EYS: variants seen among roughly 807,000 people sequenced by gnomAD.
EYS encodes protein eyes shut homolog.
A neutral mutation model predicts 282.1 loss-of-function variants in EYS; 250 were observed. The observed-to-expected ratio is 0.89, with a 90% CI of 0.80 to 0.98. The LOEUF (loss-of-function observed/expected upper bound fraction) is 0.98. Ranked by LOEUF, EYS falls within the 50% of genes least tolerant of loss-of-function variation. EYS has a pLI of 0.00. For missense variants in EYS, 4,016 were observed against 3,709.0 expected, an observed-to-expected ratio of 1.08 and a Z score of -2.15; for synonymous variants, 1,355 against 1,282.9, an observed-to-expected ratio of 1.06 and a Z score of -1.20.
At chr6:64,995,720 C>CCG (rs1554225561) in intron 14 of EYS, among the ~76,000 whole-genome samples, 6 of 148,428 alleles carry the variant, frequency 4.0e-5, no homozygotes, top group Non-Finnish European at 7.5e-5. Flanking sequence ...CTGCTTCCCC[C>CCG]CCGCCCCATA....
chr6:65,650,660 A>G (rs548766390), intron 1 of EYS, among the ~76,000 whole-genome samples: 1 of 152,138 alleles, frequency 6.6e-6, no homozygotes, highest in Non-Finnish European at 1.5e-5. Context: ...TTTTTGTTGA[A>G]GTTCAAATTT....
At chr6:65,154,580 T>A (rs1014720769) in intron 12 of EYS, among the ~76,000 whole-genome samples, 1 of 151,646 alleles carries the variant, frequency 6.6e-6, no homozygotes, top group African/African-American at 2.4e-5. Context: ...TAATTATTAA[T>A]ATATCTCTTC....
chr6:64,170,132 A>G (rs1764435574), intron 31 of EYS, among the ~76,000 whole-genome samples: 1 of 152,166 alleles, frequency 6.6e-6, no homozygotes. Flanking sequence ...TACCTGCATT[A>G]AACTTCACTA....
At position 64,689,722 on chromosome 6, in the gene EYS, G is replaced by C. The variant is rs1194459751; in HGVS notation, c.3444-63477C>G. 2.0e-5 allele frequency among the ~76,000 whole-genome samples: 3 copies of C among 152,218 alleles called. No homozygotes were observed. In the East Asian group the frequency reaches 5.8e-4, roughly 29 times the overall value. ...GACAAACCTGACAAAAACAAGCAAT[G>C]GGGAAAGGATTCCCTATTTAATAAA... On this transcript the variant is annotated intron_variant, in intron 22 of 42. Transcript: ENST00000503581.
chr6:65,563,994 C>T (rs1769167016), intron 2 of EYS, among the ~76,000 whole-genome samples: 1 of 152,052 alleles, frequency 6.6e-6, no homozygotes, highest in East Asian at 1.9e-4. Flanking sequence ...AATAGAGAGC[C>T]AAATCATGAG....
At chr6:65,144,312 C>T (rs1385494972) in intron 12 of EYS, among the ~76,000 whole-genome samples, 2 of 152,072 alleles carry the variant, frequency 1.3e-5, no homozygotes, top group South Asian at 2.1e-4. Flanking sequence ...ATTTCTTAGT[C>T]TCAAGTAAAG....
intron 12 of EYS, among the ~76,000 whole-genome samples, chr6:65,259,751 T>A (rs697304): frequency 0.39 from 58,700 of 151,882 alleles, 12,520 homozygotes; most frequent in African/African-American, 0.57. Flanking sequence ...TCAATTTCTA[T>A]CTGATACTAG....
At chr6:64,235,409 G>T (rs2150340328) in intron 30 of EYS, among the ~76,000 whole-genome samples, 1 of 152,160 alleles carries the variant, frequency 6.6e-6, no homozygotes, top group African/African-American at 2.4e-5. Flanking sequence ...TCCCTACAAA[G>T]GACATGAACT....
At chr6:65,596,004 T>C (rs934659782) in intron 2 of EYS, among the ~76,000 whole-genome samples, 1 of 152,070 alleles carries the variant, frequency 6.6e-6, no homozygotes, top group African/African-American at 2.4e-5. Flanking sequence ...CGAGCACCCC[T>C]ATGAGGAGAG....
Position 65,406,539 on chromosome 6 carries a change from T to C in EYS, c.863-1172A>G, listed in dbSNP as rs199729077. 3.0e-4 allele frequency among the ~76,000 whole-genome samples: 46 copies of C among 152,254 alleles called. No individual in the cohort carries two copies. The East Asian group carries it at 8.7e-3, about 29-fold the overall frequency. Reference sequence around the variant, plus strand: ...GTCATGAAGACATTTTAATATATTTTATAATTTTAGCTCCTATGTTTAGAT... The same window carrying C: ...GTCATGAAGACATTTTAATATATTTCATAATTTTAGCTCCTATGTTTAGAT... On this transcript the variant is annotated intron_variant, in intron 5 of 42. Coordinates refer to ENST00000503581, the MANE Select transcript of EYS (RefSeq NM_001142800.2).
chr6:63,976,843 T>G (rs558739597), intron 35 of EYS, among the ~76,000 whole-genome samples: 1 of 152,060 alleles, frequency 6.6e-6, no homozygotes, highest in Non-Finnish European at 1.5e-5. Context: ...GAAGCTCATA[T>G]AATTTTGTGA....
At chr6:64,025,799 C>A (rs1048749330) in intron 33 of EYS, among the ~76,000 whole-genome samples, 4 of 152,174 alleles carry the variant, frequency 2.6e-5, no homozygotes, top group Admixed American at 6.5e-5. Flanking sequence ...CCCTGGAGAT[C>A]CCTTCCCTCC....
intron 7 of EYS, among the ~76,000 whole-genome samples, chr6:65,401,682 T>C (rs1248924471): frequency 1.3e-5 from 2 of 151,910 alleles, no homozygotes; most frequent in Non-Finnish European, 2.9e-5. Context: ...TCCTTTGAAA[T>C]AGATTAAAGT....
rs575406480 is a variant in EYS, at chr6:63,999,189, C to T, written c.6726-6G>A. 44 of 1,544,454 alleles carry T rather than the reference C, an allele frequency of 2.8e-5. No individual in the cohort carries two copies. The highest frequency in any genetic ancestry group is 2.1e-4 in the African/African-American group (15 of 72,964). On this transcript the variant is annotated splice_region_variant and splice_polypyrimidine_tract_variant and intron_variant, in intron 33 of 42. Transcript: ENST00000503581. ...TGCCAACAGGCGTTGTGTAGCTAAA[C>T]GTAAAACAGAAGAGGCCATTATGAT...
intron 26 of EYS, among the ~76,000 whole-genome samples, chr6:64,481,586 G>C (rs1231440827): frequency 3.3e-5 from 5 of 151,286 alleles, no homozygotes; most frequent in African/African-American, 1.2e-4. Context: ...ACGAAATTTA[G>C]TATAAATTCA....
In EYS at chr6:64,085,328, G is replaced by A. The variant is rs1002280063; in HGVS notation, c.6425-3326C>T. ...TCTCCTTCCAGACGCGCGCGCGTGC[G>A]CACGTGCGCGCGCACACACACACAC... On this transcript the variant is annotated intron_variant, in intron 31 of 42. Coordinates refer to ENST00000503581, the MANE Select transcript of EYS (RefSeq NM_001142800.2). 1.0e-3 allele frequency among the ~76,000 whole-genome samples: 95 copies of A among 93,964 alleles called. 1 individual carries two copies. The highest frequency in any genetic ancestry group is 5.8e-3 in the African/African-American group (79 of 13,560). The allele number at this position is 93,964 out of a possible 152,430, so 61.6% of individuals were successfully genotyped here.
intron 1 of EYS, among the ~76,000 whole-genome samples, chr6:65,677,021 T>TA (rs1582592152): frequency 2.1e-5 from 2 of 93,926 alleles, no homozygotes; most frequent in African/African-American, 8.4e-5. Flanking sequence ...TTAAAAAAAT[T>TA]AAAAAAACTA....
chr6:64,010,090 C>A (rs1317553725), intron 33 of EYS, among the ~76,000 whole-genome samples: 1 of 152,156 alleles, frequency 6.6e-6, no homozygotes, highest in South Asian at 2.1e-4. Flanking sequence ...CTGGCTTTTT[C>A]TCTCTGGCCC....
chr6:65,548,338 A>C (rs1386116800), intron 2 of EYS, among the ~76,000 whole-genome samples: 1 of 152,244 alleles, frequency 6.6e-6, no homozygotes, highest in Non-Finnish European at 1.5e-5. Context: ...TGAATCAATT[A>C]GGTTATCAAT....
Sources: gnomAD v4.1 joint callset for allele counts (sites outside exome capture counted in the v4.1 genomes callset) on GRCh38, gnomAD v4.1.1 for gene constraint, MANE v1.5 for transcripts, NCBI Gene and HGNC (gene_info 2026-07-23, HGNC 2026-07-21) for gene names.